Variants in IQCK observed in about 807,000 individuals in gnomAD.
IQCK encodes the protein IQ domain-containing protein K.
A neutral mutation model predicts 28.1 loss-of-function variants in IQCK; 29 were observed. That is an observed-to-expected ratio of 1.03 (90% CI 0.77 to 1.41). The LOEUF is 1.41. IQCK is among the 40% of genes most tolerant of loss of function. IQCK has a pLI of 0.00. For missense variants in IQCK, 359 were observed against 314.7 expected (o/e 1.14, Z -1.07); for synonymous variants, 113 against 115.1 (o/e 0.98, Z 0.12).
At chr16:19,723,524 A>G (rs1403433465) in intron 1 of IQCK, among the ~76,000 whole-genome samples, 1 of 152,176 alleles carries the variant, frequency 6.6e-6, no homozygotes, top group Non-Finnish European at 1.5e-5. Flanking sequence ...AAACTTGCCC[A>G]AAGTAAGCGG....
At chr16:19,722,227 T>C (rs1005163987) in intron 1 of IQCK, among the ~76,000 whole-genome samples, 2 of 152,164 alleles carry the variant, frequency 1.3e-5, no homozygotes, top group African/African-American at 2.4e-5. Context: ...ATGCGTTCAC[T>C]GAGAAGAGTC....
chr16:19,740,299 A>G (rs114625038), intron 4 of IQCK, among the ~76,000 whole-genome samples: 1,791 of 152,254 alleles, frequency 0.012, 28 homozygotes, highest in African/African-American at 0.041. Context: ...TGTTTTGACT[A>G]CTGCTATGAT....
intron 6 of IQCK, among the ~76,000 whole-genome samples, chr16:19,785,694 T>C (rs1013372881): frequency 6.6e-6 from 1 of 152,164 alleles, no homozygotes; most frequent in Non-Finnish European, 1.5e-5. Flanking sequence ...CCAATCAGAC[T>C]GATTGCTGGC....
chr16:19,827,033 G>C (rs373533920), exon 8 of IQCK: 11 of 1,612,920 alleles, frequency 6.8e-6, no homozygotes, highest in Non-Finnish European at 9.3e-6. Flanking sequence ...CAGGTTCGCT[G>C]TGATCCTGAG....
At chr16:19,784,768 A>G (rs2055539492) in intron 6 of IQCK, among the ~76,000 whole-genome samples, 2 of 152,110 alleles carry the variant, frequency 1.3e-5, no homozygotes, top group Admixed American at 6.5e-5. Flanking sequence ...ACATTTTTCA[A>G]TTACATTTTT....
chr16:19,735,634 T>C, intron 4 of IQCK, 184 bp downstream of exon 4: 1 of 585,512 alleles, frequency 1.7e-6, no homozygotes, highest in Non-Finnish European at 3.1e-6. Context: ...ATACATGCGC[T>C]GCCATCTGTC....
At chr16:19,785,327 A>C (rs971067043) in intron 6 of IQCK, among the ~76,000 whole-genome samples, 1 of 152,128 alleles carries the variant, frequency 6.6e-6, no homozygotes, top group African/African-American at 2.4e-5. Flanking sequence ...GGTATACTGG[A>C]GGCAGAGGAA....
At chr16:19,831,989 C>T (rs187097070), downstream of IQCK, among the ~76,000 whole-genome samples, 6 of 152,160 alleles carry the variant, frequency 3.9e-5, no homozygotes, top group African/African-American at 9.6e-5. Context: ...TATTTTAAAA[C>T]GTGTATGGTA....
chr16:19,729,263 A>G (rs1435962482), intron 1 of IQCK, among the ~76,000 whole-genome samples: 1 of 152,134 alleles, frequency 6.6e-6, no homozygotes. Flanking sequence ...GCCCGGCGCC[A>G]TGCCTGGCTA....
chr16:19,817,387 C>T (rs1053885604), intron 7 of IQCK, among the ~76,000 whole-genome samples: 1 of 152,058 alleles, frequency 6.6e-6, no homozygotes, highest in African/African-American at 2.4e-5. Context: ...GCGTGCTTTC[C>T]CCAGGGCTCA....
intron 4 of IQCK, among the ~76,000 whole-genome samples, chr16:19,754,128 A>T (rs1296585868): frequency 6.6e-6 from 1 of 151,962 alleles, no homozygotes; most frequent in Non-Finnish European, 1.5e-5. Flanking sequence ...GACGGAGTTA[A>T]CCATCTGCAC....
exon 10 of IQCK, chr16:19,857,556 C>A (rs1248071054): frequency 8.1e-6 from 3 of 368,694 alleles, no homozygotes; most frequent in Non-Finnish European, 1.5e-5. Context: ...CTTAGCTCTT[C>A]ATCAGTTAAT....
intron 7 of IQCK, among the ~76,000 whole-genome samples, chr16:19,805,844 G>T (rs891666704): frequency 6.9e-6 from 1 of 144,980 alleles, no homozygotes; most frequent in Non-Finnish European, 1.5e-5. Context: ...GAGGCTAGAG[G>T]TTTTTCAAAG....
intron 6 of IQCK, chr16:19,766,188 A>G (rs1393559365): frequency 6.6e-6 from 1 of 152,266 alleles, no homozygotes; most frequent in Non-Finnish European, 1.5e-5. Flanking sequence ...ATGAATGTCT[A>G]TCGAACACCT....
chr16:19,730,379 A>G (rs368742166), intron 1 of IQCK, 51 bp from the exon 2 acceptor site: 8 of 1,361,594 alleles, frequency 5.9e-6, no homozygotes, highest in African/African-American at 2.9e-5. Context: ...AAATTACACC[A>G]GAAACTCTAG....
rs1269665221 is a variant in IQCK, at chr16:19,775,226, CAAA to C, written c.605+11131_605+11133del. On this transcript the variant is annotated intron_variant, in intron 6 of 7. Transcript: ENST00000564186. Reference sequence around the variant, plus strand: ...TGGGCGACAGGGTGAGACTCTGTATCAAAAAAAAAAAAAAAAAAAGAAGACTTT... The same window carrying C: ...TGGGCGACAGGGTGAGACTCTGTATCAAAAAAAAAAAAAAAAGAAGACTTT... Among the ~76,000 whole-genome samples, 695 of 82,384 alleles carry C rather than the reference CAAA, an allele frequency of 8.4e-3. 4 individuals carry two copies. The highest frequency in any genetic ancestry group is 0.022 in the African/African-American group (658 of 29,686). 54.0% of individuals were successfully genotyped at this position (82,384 alleles called of 152,430 possible).
intron 6 of IQCK, among the ~76,000 whole-genome samples, chr16:19,782,872 AAAAAAG>A (rs1162903909): frequency 1.3e-5 from 2 of 152,190 alleles, no homozygotes; most frequent in Non-Finnish European, 2.9e-5. Context: ...CTTTGCATCT[AAAAAAG>A]AGAAAAGAAG....
At chr16:19,735,980 C>CT in intron 4 of IQCK, 1 of 393,284 alleles carries the variant, frequency 2.5e-6, no homozygotes, top group South Asian at 1.9e-5. Context: ...GCAGGAAGGC[C>CT]CCTTGAGGCC....
At chr16:19,731,092 A>C (rs1188072001) in intron 2 of IQCK, among the ~76,000 whole-genome samples, 1 of 152,176 alleles carries the variant, frequency 6.6e-6, no homozygotes, top group Admixed American at 6.5e-5. Context: ...TGGGGCTCAC[A>C]TGAGATCCTG....
Sources: allele counts gnomAD v4.1 joint callset (sites outside exome capture counted in the v4.1 genomes callset), GRCh38; gene constraint gnomAD v4.1.1; transcripts MANE v1.5; gene names NCBI Gene and HGNC (gene_info 2026-07-23, HGNC 2026-07-21).